The following CAPN8 variants were observed in gnomAD, a reference collection of about 807,000 sequenced individuals.
The protein encoded by CAPN8 is calpain-8.
A neutral mutation model predicts 80.9 loss-of-function variants in CAPN8; 87 were observed. That is an observed-to-expected ratio of 1.07 (90% CI 0.90 to 1.28). The LOEUF (loss-of-function observed/expected upper bound fraction) is 1.28, where lower values mean the gene tolerates loss of function less well. Among genes scored for constraint, CAPN8 ranks in the 50% most tolerant of loss-of-function variants. The probability of loss-of-function intolerance (pLI) is 0.00; values close to 1 mark genes in which losing one functional copy is unlikely to be tolerated. For synonymous variants in CAPN8, 299 were observed against 273.8 expected (o/e 1.09, Z -0.91); for missense variants, 757 against 702.0 (o/e 1.08, Z -0.89).
intron 1 of CAPN8, among the ~76,000 whole-genome samples, chr1:223,661,400 T>G (rs959035379): frequency 3.3e-5 from 5 of 151,910 alleles, no homozygotes; most frequent in Non-Finnish European, 5.9e-5. Flanking sequence ...GAGGCCAAGG[T>G]GGGCAGATCA....
chr1:223,663,050 G>A (rs759019096), intron 1 of CAPN8, among the ~76,000 whole-genome samples: 5 of 152,134 alleles, frequency 3.3e-5, no homozygotes, highest in African/African-American at 7.2e-5. Context: ...TACTCAACAC[G>A]CACTTGAAAA....
chr1:223,644,251 C>A, intron 2 of CAPN8: 1 of 332,094 alleles, frequency 3.0e-6, no homozygotes, highest in Non-Finnish European at 5.9e-6. Flanking sequence ...AATGATACAG[C>A]CTTCTATCCA....
intron 2 of CAPN8, among the ~76,000 whole-genome samples, chr1:223,639,137 G>A (rs1657982233): frequency 6.6e-6 from 1 of 152,172 alleles, no homozygotes; most frequent in South Asian, 2.1e-4. Flanking sequence ...CTACTCGGGA[G>A]GCTGAGGCAG....
intron 2 of CAPN8, among the ~76,000 whole-genome samples, chr1:223,636,963 C>G (rs1657908635): frequency 6.6e-6 from 1 of 152,186 alleles, no homozygotes; most frequent in East Asian, 1.9e-4. Context: ...CCTTCTCTGG[C>G]TAAAATCAAA....
In CAPN8 at chr1:223,627,048, G is replaced by C. The variant is rs1558346731; in HGVS notation, c.670C>G (p.Leu224Val). ...FYDLKKPPAN[L>V]YQIIRKALCA... is the part of the protein sequence containing the mutation. ...AGGGCCTTCCGGATGATCTGATATA[G>C]ATTGGCTGGTGGTTTCTTCAGGTCA... Residue 224 changes from leucine (L) to valine (V), a missense_variant, in exon 5 of 21, where the codon CTA (leucine) becomes GTA (valine). Coordinates refer to ENST00000366872, the MANE Select transcript of CAPN8 (RefSeq NM_001143962.2). 1.3e-6 allele frequency: 2 copies of C among 1,552,070 alleles called. No homozygotes were observed. The highest frequency in any genetic ancestry group is 1.7e-6 in the Non-Finnish European group (2 of 1,147,074).
intron 2 of CAPN8, among the ~76,000 whole-genome samples, chr1:223,653,270 A>T (rs76252199): frequency 0.019 from 2,867 of 151,526 alleles, 85 homozygotes; most frequent in African/African-American, 0.065. Flanking sequence ...CCGCTGCTTG[A>T]TCGTCACGCT....
chr1:223,612,320 T>C, intron 10 of CAPN8, 63 bp from the exon 11 acceptor site: 1 of 1,226,720 alleles, frequency 8.2e-7, no homozygotes, highest in South Asian at 4.1e-5. Flanking sequence ...CTGCTCCTTT[T>C]CCTCTCTCCC....
At chr1:223,549,643 T>A (rs980242768) in intron 15 of CAPN8, 2 of 602,596 alleles carry the variant, frequency 3.3e-6, no homozygotes, top group Non-Finnish European at 6.0e-6. Context: ...AGCCACAGAC[T>A]TCAGCAAATT....
intron 16 of CAPN8, among the ~76,000 whole-genome samples, chr1:223,547,414 G>A (rs34955774): frequency 0.25 from 38,380 of 152,078 alleles, 5,523 homozygotes; most frequent in African/African-American, 0.4. Context: ...AGACAAATTT[G>A]TAGAGACAGA....
At position 223,665,506 on chromosome 1, in the gene CAPN8, C is replaced by G; in HGVS notation, c.141G>C (p.Lys47Asn). 6.4e-7 allele frequency: 1 copy of G among 1,551,788 alleles called. No homozygotes were observed. The highest frequency in any genetic ancestry group is 8.7e-7 in the Non-Finnish European group (1 of 1,147,012). ...QQCLDSGVLF[K>N]DPEFPACPSA... ...ATGGACATGCTGGGAACTCAGGGTC[C>G]TTAAATAGGACCCCTGAGTCCAAGC... Residue 47 changes from lysine to asparagine, a missense_variant, in exon 1 of 21, where the codon AAG becomes AAC. Coordinates refer to ENST00000366872, the MANE Select transcript of CAPN8 (RefSeq NM_001143962.2).
At chr1:223,640,035 C>G (rs529205272) in intron 2 of CAPN8, among the ~76,000 whole-genome samples, 2 of 152,326 alleles carry the variant, frequency 1.3e-5, no homozygotes, top group East Asian at 1.9e-4. Flanking sequence ...AGTCCCTCCT[C>G]CTGTCAACCT....
At chr1:223,619,808 G>A (rs1043906522) in intron 8 of CAPN8, among the ~76,000 whole-genome samples, 1 of 152,180 alleles carries the variant, frequency 6.6e-6, no homozygotes, top group Non-Finnish European at 1.5e-5. Flanking sequence ...TCGGAGTGAT[G>A]TCCAGCTAAG....
At chr1:223,625,971 C>T in intron 5 of CAPN8, 83 bp from the exon 6 acceptor site, 1 of 1,085,922 alleles carries the variant, frequency 9.2e-7, no homozygotes, top group South Asian at 1.4e-5. Flanking sequence ...GGACACACTA[C>T]ACAGCCACTG....
intron 1 of CAPN8, among the ~76,000 whole-genome samples, chr1:223,659,466 C>G (rs1248631607): frequency 6.6e-6 from 1 of 152,178 alleles, no homozygotes; most frequent in African/African-American, 2.4e-5. Flanking sequence ...AGTGGACTCC[C>G]ACCTTCCTCT....
chr1:223,625,602 A>G (rs1657549496), intron 6 of CAPN8, among the ~76,000 whole-genome samples: 1 of 152,110 alleles, frequency 6.6e-6, no homozygotes, highest in African/African-American at 2.4e-5. Flanking sequence ...TGGCCGGAAG[A>G]GCTGTTCTAA....
chr1:223,635,354 C>G (rs927679869), intron 2 of CAPN8, among the ~76,000 whole-genome samples: 6 of 152,178 alleles, frequency 3.9e-5, no homozygotes, highest in Admixed American at 2.0e-4. Context: ...CACACACATA[C>G]ACACACTGAT....
At chr1:223,663,424 G>T (rs1182351035) in intron 1 of CAPN8, among the ~76,000 whole-genome samples, 1 of 151,910 alleles carries the variant, frequency 6.6e-6, no homozygotes, top group East Asian at 1.9e-4. Context: ...GACAACCCAG[G>T]TTCCCATGGC....
chr1:223,646,502 CT>C (rs1323333551), intron 2 of CAPN8, among the ~76,000 whole-genome samples: 3 of 152,208 alleles, frequency 2.0e-5, no homozygotes, highest in Non-Finnish European at 2.9e-5. Flanking sequence ...GCCAGCCTGC[CT>C]CCACCTTTTT....
At chr1:223,552,932 A>G (rs1572224822) in intron 14 of CAPN8, among the ~76,000 whole-genome samples, 1 of 152,342 alleles carries the variant, frequency 6.6e-6, no homozygotes. Context: ...CTGTAAATCC[A>G]TCTAAAACAT....
Sources: allele counts gnomAD v4.1 joint callset (sites outside exome capture counted in the v4.1 genomes callset), GRCh38; gene constraint gnomAD v4.1.1; transcripts MANE v1.5; gene names NCBI Gene and HGNC (gene_info 2026-07-23, HGNC 2026-07-21).